EPM2A: variants seen among roughly 807,000 people sequenced by gnomAD.
EPM2A encodes the protein laforin.
Under a neutral mutation model 26.5 loss-of-function variants are expected in EPM2A, and 21 were observed. The ratio of observed to expected loss-of-function variants is 0.79; its 90% CI spans 0.56 to 1.14. The LOEUF is 1.14. Ranked by LOEUF, EPM2A falls within the 50% of genes most tolerant of loss-of-function variation. The pLI is 0.00. For missense variants in EPM2A, 458 were observed against 440.8 expected (o/e 1.04, Z -0.35); for synonymous variants, 217 against 177.6 (o/e 1.22, Z -1.76).
At chr6:145,639,629 C>T (rs1311539889) in intron 2 of EPM2A, 1 of 152,194 alleles carries the variant, frequency 6.6e-6, no homozygotes, top group South Asian at 2.1e-4. Flanking sequence ...AAAAAATGGG[C>T]TTCCTCAGTC....
chr6:145,680,931 G>A (rs1017906564), intron 2 of EPM2A, among the ~76,000 whole-genome samples: 64 of 151,210 alleles, frequency 4.2e-4, no homozygotes, highest in Non-Finnish European at 5.9e-5. Flanking sequence ...TGGGTCAAAT[G>A]GTATTTCTAG....
At chr6:145,731,457 C>A (rs144698989) in intron 1 of EPM2A, among the ~76,000 whole-genome samples, 1 of 152,192 alleles carries the variant, frequency 6.6e-6, no homozygotes, top group African/African-American at 2.4e-5. Flanking sequence ...ATGTTTATAG[C>A]AGCAAAATTG....
intron 2 of EPM2A, among the ~76,000 whole-genome samples, chr6:145,508,032 T>C (rs1780003471): frequency 6.6e-6 from 1 of 151,960 alleles, no homozygotes; most frequent in Admixed American, 6.6e-5. Flanking sequence ...GGGAGAGAGG[T>C]GCATAGCCTG....
rs761970395 is a variant in EPM2A at position 145,735,194 on chromosome 6, A to G, written c.301+4T>C. ...CGCCGGGGGCAGGCGTCTGCTGGCAATACCTTCCCAGGAGAGCTCTCCTCC... is the reference window on the plus strand; with the variant it reads ...CGCCGGGGGCAGGCGTCTGCTGGCAGTACCTTCCCAGGAGAGCTCTCCTCC... On this transcript the variant is annotated splice_donor_region_variant and intron_variant, in intron 1 of 3. Transcript: ENST00000367519. 9.3e-6 allele frequency: 14 copies of G among 1,504,274 alleles called. No individual in the cohort carries two copies. The highest frequency in any genetic ancestry group is 2.5e-5 in the South Asian group (2 of 80,870). The allele number at this position is 1,504,274 out of a possible 1,614,324, so 93.2% of individuals were successfully genotyped here. A position where few individuals can be genotyped will look rare whatever the true frequency, so the allele number is the denominator to read the frequency against.
chr6:145,664,710 A>C (rs1001087128), intron 2 of EPM2A, among the ~76,000 whole-genome samples: 2 of 152,096 alleles, frequency 1.3e-5, no homozygotes, highest in African/African-American at 4.8e-5. Flanking sequence ...CAGAATATAC[A>C]TTTTTTTCAG....
At chr6:145,454,455 G>A (rs2114711347) in intron 4 of EPM2A, among the ~76,000 whole-genome samples, 1 of 152,172 alleles carries the variant, frequency 6.6e-6, no homozygotes, top group East Asian at 1.9e-4. Context: ...TGGGAGAGGG[G>A]AGATAAAAGA....
intron 1 of EPM2A, among the ~76,000 whole-genome samples, chr6:145,707,598 G>A (rs946653168): frequency 6.6e-6 from 1 of 152,090 alleles, no homozygotes; most frequent in East Asian, 1.9e-4. Context: ...TTTATAAAAG[G>A]GTATACCCTT....
chr6:145,418,704 G>A (rs1233257875), intron 4 of EPM2A, among the ~76,000 whole-genome samples: 14 of 152,134 alleles, frequency 9.2e-5, no homozygotes, highest in African/African-American at 2.4e-5. Flanking sequence ...CCGGCCAAAG[G>A]ATGGGCTCAT....
chr6:145,482,371 T>C (rs1382530795), intron 4 of EPM2A, among the ~76,000 whole-genome samples: 1 of 152,154 alleles, frequency 6.6e-6, no homozygotes, highest in African/African-American at 2.4e-5. Flanking sequence ...ATGGTCATTG[T>C]TAGTGCCTGG....
chr6:145,466,656 G>T (rs1405672458), intron 4 of EPM2A, among the ~76,000 whole-genome samples: 26 of 152,132 alleles, frequency 1.7e-4, no homozygotes, highest in Middle Eastern at 3.4e-3. Context: ...TATACCCAAA[G>T]GACTATAAAT....
At chr6:145,596,877 CTTTTTTTTTTTTTT>C (rs869211299) in intron 2 of EPM2A, among the ~76,000 whole-genome samples, 5 of 73,498 alleles carry the variant, frequency 6.8e-5, no homozygotes, top group East Asian at 9.7e-4. Flanking sequence ...TCTCCGAGAT[CTTTTTTTTTTTTTT>C]TTTTTTTTTT....
At chr6:145,414,668 A>G (rs183169755) in intron 4 of EPM2A, among the ~76,000 whole-genome samples, 1 of 152,074 alleles carries the variant, frequency 6.6e-6, no homozygotes, top group Admixed American at 6.6e-5. Context: ...TTACTCTAAC[A>G]TCACCATTTA....
intron 2 of EPM2A, among the ~76,000 whole-genome samples, chr6:145,610,392 C>A (rs1775368177): frequency 6.6e-6 from 1 of 152,210 alleles, no homozygotes; most frequent in African/African-American, 2.4e-5. Flanking sequence ...ATGAATCTTA[C>A]TTCTGCCCTC....
intron 4 of EPM2A, among the ~76,000 whole-genome samples, chr6:145,438,187 T>C (rs908367849): frequency 6.6e-6 from 1 of 152,176 alleles, no homozygotes; most frequent in African/African-American, 2.4e-5. Context: ...ACAAATGGTG[T>C]CATGGGACAA....
chr6:145,440,687 C>A (rs916936335), intron 4 of EPM2A, among the ~76,000 whole-genome samples: 1 of 152,182 alleles, frequency 6.6e-6, no homozygotes, highest in Admixed American at 6.5e-5. Flanking sequence ...AACAAAGGGG[C>A]TAAAGACCCC....
intron 2 of EPM2A, among the ~76,000 whole-genome samples, chr6:145,518,595 CAAAAAAAAAAAAAA>C (rs55802475): frequency 1.7e-4 from 17 of 102,664 alleles, no homozygotes; most frequent in Non-Finnish European, 1.0e-4. Context: ...TGAAATGCAC[CAAAAAAAAAAAAAA>C]AAAAAAAAAA....
In EPM2A at chr6:145,502,521, C is replaced by A. The variant is rs1285313176; in HGVS notation, c.394+1G>T. 4 of 470,090 alleles carry A rather than the reference C, an allele frequency of 8.5e-6. No homozygotes were observed. Among genetic ancestry groups the A allele is most frequent in the Non-Finnish European group, 1.8e-5 (4 of 227,052 alleles). 29.1% of individuals were successfully genotyped at this position (470,090 alleles called of 1,614,324 possible). On this transcript the variant is annotated splice_donor_variant, in intron 3 of 3. Transcript: ENST00000450221. LOFTEE classifies it high-confidence loss of function. ...CTGGGAGGAGGTGCATACTCACTCA[C>A]CTGCAGTCTCTTCCCACATCCCCGA...
intron 2 of EPM2A, among the ~76,000 whole-genome samples, chr6:145,591,939 C>G (rs1436556615): frequency 6.6e-6 from 1 of 151,162 alleles, no homozygotes; most frequent in Non-Finnish European, 1.5e-5. Flanking sequence ...TATAAAATAC[C>G]TATACTACAC....
chr6:145,614,487 AC>A (rs1775463548), intron 2 of EPM2A, among the ~76,000 whole-genome samples: 1 of 152,254 alleles, frequency 6.6e-6, no homozygotes, highest in Non-Finnish European at 1.5e-5. Context: ...CTTTCAGCTG[AC>A]CTCGGCTTTC....
Sources: allele counts gnomAD v4.1 joint callset (sites outside exome capture counted in the v4.1 genomes callset), GRCh38; gene constraint gnomAD v4.1.1; transcripts MANE v1.5; gene names NCBI Gene and HGNC (gene_info 2026-07-23, HGNC 2026-07-21).